The following PRSS23 variants were observed in gnomAD, a reference collection of about 807,000 sequenced individuals.
The protein encoded by PRSS23 is protease, serine 23.
A neutral mutation model predicts 34.7 loss-of-function variants in PRSS23; 25 were observed. That is an observed-to-expected ratio of 0.72 (90% confidence interval 0.53 to 1.01). The LOEUF is 1.01. PRSS23 is among the 50% of genes least tolerant of loss of function. The pLI is 0.00. For missense variants in PRSS23, 445 were observed against 475.6 expected (o/e 0.94, Z 0.60); for synonymous variants, 176 against 186.6 (o/e 0.94, Z 0.46).
chr11:86,859,356 G>T (rs772581356), intron 2 of PRSS23, among the ~76,000 whole-genome samples: 1 of 151,996 alleles, frequency 6.6e-6, no homozygotes, highest in Non-Finnish European at 1.5e-5. Flanking sequence ...CCCGTTGCAG[G>T]AGAGGAGGAT....
intron 2 of PRSS23, chr11:86,823,681 G>A: frequency 5.9e-6 from 4 of 679,092 alleles, no homozygotes; most frequent in Admixed American, 4.1e-5. Context: ...GCATTTTAAC[G>A]GAGCAAAGCA....
At chr11:86,848,539 A>G (rs1255923829) in intron 2 of PRSS23, among the ~76,000 whole-genome samples, 3 of 152,188 alleles carry the variant, frequency 2.0e-5, no homozygotes, top group Admixed American at 2.0e-4. Flanking sequence ...CAGGGAAAAG[A>G]AGAAAATCCC....
intron 2 of PRSS23, among the ~76,000 whole-genome samples, chr11:86,878,516 C>T (rs972196183): frequency 2.6e-5 from 4 of 152,186 alleles, no homozygotes; most frequent in South Asian, 2.1e-4. Flanking sequence ...CCGCCAGCCT[C>T]GGCCTCCTGA....
intron 1 of PRSS23, among the ~76,000 whole-genome samples, chr11:86,802,522 G>C (rs974333197): frequency 1.3e-5 from 2 of 152,296 alleles, no homozygotes; most frequent in East Asian, 3.9e-4. Context: ...TGATTTCACC[G>C]TTCCATATCA....
chr11:86,827,865 G>A (rs1311675224), intron 2 of PRSS23, among the ~76,000 whole-genome samples: 2 of 152,332 alleles, frequency 1.3e-5, no homozygotes, highest in Admixed American at 6.5e-5. Context: ...GAGACAGTTT[G>A]TAATAATGTC....
intron 2 of PRSS23, chr11:86,909,859 A>T (rs1197086511): frequency 1.3e-5 from 2 of 152,238 alleles, no homozygotes; most frequent in Non-Finnish European, 2.9e-5. Flanking sequence ...AATGAGAGTC[A>T]TCTGAAAGGT....
chr11:86,849,220 A>C (rs200351745), intron 2 of PRSS23, among the ~76,000 whole-genome samples: 1 of 152,188 alleles, frequency 6.6e-6, no homozygotes, highest in Non-Finnish European at 1.5e-5. Flanking sequence ...CTCAAAGTCC[A>C]TTACTATCTG....
chr11:86,824,270 T>C (rs1948279168), intron 2 of PRSS23, among the ~76,000 whole-genome samples: 1 of 148,914 alleles, frequency 6.7e-6, no homozygotes, highest in African/African-American at 2.5e-5. Flanking sequence ...ATCACAACAC[T>C]GCACTTACTC....
intron 2 of PRSS23, among the ~76,000 whole-genome samples, chr11:86,941,751 T>A (rs555089625): frequency 6.6e-6 from 1 of 152,250 alleles, no homozygotes; most frequent in South Asian, 2.1e-4. Context: ...CCCTAACCTA[T>A]CTTTGAGGCT....
intron 2 of PRSS23, chr11:86,951,114 A>G (rs1381506757): frequency 1.2e-6 from 2 of 1,611,848 alleles, no homozygotes; most frequent in Non-Finnish European, 1.7e-6. Flanking sequence ...CCCCTTCAAA[A>G]TGAAGAAAGC....
intron 2 of PRSS23, among the ~76,000 whole-genome samples, chr11:86,894,777 C>T (rs1317517302): frequency 3.3e-5 from 5 of 152,198 alleles, no homozygotes; most frequent in African/African-American, 7.2e-5. Flanking sequence ...TCTCTTTCTC[C>T]CCTAAACTCT....
At chr11:86,823,520 T>G (rs2134876730) in exon 2 of PRSS23, 1 of 702,576 alleles carries the variant, frequency 1.4e-6, no homozygotes, top group South Asian at 1.5e-5. Context: ...TTCCAGGACC[T>G]GGCTAGAAGC....
chr11:86,895,505 A>G (rs1948868935), intron 2 of PRSS23, among the ~76,000 whole-genome samples: 3 of 95,738 alleles, frequency 3.1e-5, no homozygotes, highest in African/African-American at 4.1e-5. Flanking sequence ...TTTTTGAGAT[A>G]GGGTCTCACT....
At chr11:86,882,105 C>G (rs1452428192) in intron 2 of PRSS23, among the ~76,000 whole-genome samples, 1 of 152,138 alleles carries the variant, frequency 6.6e-6, no homozygotes, top group African/African-American at 2.4e-5. Context: ...TTCATTATTT[C>G]TGCTCCAATA....
intron 2 of PRSS23, among the ~76,000 whole-genome samples, chr11:86,865,748 C>T (rs924014488): frequency 1.3e-5 from 2 of 152,190 alleles, no homozygotes; most frequent in Admixed American, 6.5e-5. Flanking sequence ...CCTACTCCTC[C>T]CCACCTAATT....
intron 2 of PRSS23, among the ~76,000 whole-genome samples, chr11:86,867,298 T>G (rs1948655732): frequency 6.6e-6 from 1 of 152,170 alleles, no homozygotes; most frequent in East Asian, 1.9e-4. Flanking sequence ...AAAACTATTC[T>G]CTCATGCCTC....
At chr11:86,829,973 C>A (rs554980656) in intron 2 of PRSS23, among the ~76,000 whole-genome samples, 11 of 152,168 alleles carry the variant, frequency 7.2e-5, no homozygotes, top group Admixed American at 6.5e-4. Flanking sequence ...GTCTGCCCGT[C>A]CTCAGATCTC....
At chr11:86,876,769 C>A (rs916236761) in intron 2 of PRSS23, among the ~76,000 whole-genome samples, 1 of 151,840 alleles carries the variant, frequency 6.6e-6, no homozygotes, top group African/African-American at 2.4e-5. Context: ...CATTTCAAAG[C>A]AACCTATGGG....
intron 2 of PRSS23, among the ~76,000 whole-genome samples, chr11:86,899,549 C>T (rs1258768801): frequency 6.6e-6 from 1 of 150,454 alleles, no homozygotes; most frequent in Non-Finnish European, 1.5e-5. Flanking sequence ...GAGTCTCGCT[C>T]TGTCACCCAG....
Sources: allele counts gnomAD v4.1 joint callset (sites outside exome capture counted in the v4.1 genomes callset), GRCh38; gene constraint gnomAD v4.1.1; transcripts MANE v1.5; gene names NCBI Gene and HGNC (gene_info 2026-07-23, HGNC 2026-07-21).